CNTN5: variants seen among roughly 807,000 people sequenced by gnomAD.
CNTN5 encodes contactin 5, also known as contactin-5.
CNTN5 carries 77 observed loss-of-function variants against 129.1 expected under a neutral mutation model. The observed-to-expected ratio is 0.60, with a 90% CI of 0.50 to 0.72. The LOEUF (loss-of-function observed/expected upper bound fraction) is 0.72. CNTN5 is among the 30% of genes least tolerant of loss of function. The pLI, the probability that CNTN5 is intolerant of heterozygous loss-of-function variation, is 0.00. For synonymous variants in CNTN5, 509 were observed against 465.6 expected (o/e 1.09, Z -1.20); for missense variants, 1,478 against 1,328.8 (o/e 1.11, Z -1.75).
At chr11:100,306,073 G>GA (rs1028573132) in intron 20 of CNTN5, among the ~76,000 whole-genome samples, 1 of 151,028 alleles carries the variant, frequency 6.6e-6, no homozygotes, top group Non-Finnish European at 1.5e-5. Flanking sequence ...TTAAGAGGGT[G>GA]AAAAAAAATT....
chr11:99,769,134 C>G (rs1449792416), intron 3 of CNTN5, among the ~76,000 whole-genome samples: 1 of 151,852 alleles, frequency 6.6e-6, no homozygotes, highest in Non-Finnish European at 1.5e-5. Flanking sequence ...CTTTTTGATA[C>G]TTAAATTATA....
intron 21 of CNTN5, among the ~76,000 whole-genome samples, chr11:100,326,453 A>G (rs1239596244): frequency 6.6e-6 from 1 of 152,172 alleles, no homozygotes; most frequent in East Asian, 1.9e-4. Flanking sequence ...ATCCATCACC[A>G]AAGACTATTG....
At chr11:99,996,035 T>C (rs1237067500) in intron 8 of CNTN5, among the ~76,000 whole-genome samples, 3 of 152,200 alleles carry the variant, frequency 2.0e-5, no homozygotes, top group Non-Finnish European at 4.4e-5. Context: ...TACCTCCAAA[T>C]TGAAGCTCAT....
At chr11:99,887,506 A>T (rs1488632227) in intron 6 of CNTN5, among the ~76,000 whole-genome samples, 1 of 152,232 alleles carries the variant, frequency 6.6e-6, no homozygotes, top group Non-Finnish European at 1.5e-5. Flanking sequence ...GGATAGATGT[A>T]TATATGAAGG....
chr11:99,430,125 G>A (rs1257247734), intron 2 of CNTN5, among the ~76,000 whole-genome samples: 1 of 151,994 alleles, frequency 6.6e-6, no homozygotes, highest in East Asian at 1.9e-4. Context: ...CTTTTAAGGG[G>A]TGTGAGTTAT....
intron 16 of CNTN5, chr11:100,225,180 C>T: frequency 6.5e-6 from 1 of 154,404 alleles, no homozygotes; most frequent in Admixed American, 6.5e-5. Flanking sequence ...GTGGAACCCC[C>T]AGGCATTTTT....
At chr11:99,809,997 A>G (rs1275862187) in intron 3 of CNTN5, among the ~76,000 whole-genome samples, 2 of 152,096 alleles carry the variant, frequency 1.3e-5, no homozygotes, top group Admixed American at 6.6e-5. Flanking sequence ...AGTGATTCAT[A>G]TTCATATTGT....
intron 13 of CNTN5, among the ~76,000 whole-genome samples, chr11:100,149,718 C>A (rs1946986061): frequency 6.6e-6 from 1 of 151,678 alleles, no homozygotes. Context: ...CACAGTGAAA[C>A]CCCATCTCTA....
intron 2 of CNTN5, among the ~76,000 whole-genome samples, chr11:99,411,373 A>G (rs11219802): frequency 0.088 from 13,329 of 152,148 alleles, 668 homozygotes; most frequent in South Asian, 0.16. Context: ...TATGAAAATT[A>G]TATGGGTGTG....
intron 4 of CNTN5, among the ~76,000 whole-genome samples, chr11:99,842,217 A>G (rs2135681050): frequency 6.6e-6 from 1 of 152,080 alleles, no homozygotes. Context: ...GATTTAGCTA[A>G]TTGTTTTCTG....
chr11:99,407,416 C>G (rs1387589792), intron 2 of CNTN5, among the ~76,000 whole-genome samples: 1 of 140,266 alleles, frequency 7.1e-6, no homozygotes, highest in Non-Finnish European at 1.5e-5. Context: ...TGTGGCTGAG[C>G]TGGTATCCAA....
chr11:100,057,711 A>C (rs74944185), intron 9 of CNTN5, among the ~76,000 whole-genome samples: 6 of 151,990 alleles, frequency 3.9e-5, no homozygotes, highest in African/African-American at 1.4e-4. Context: ...TTTGTGCCCA[A>C]ATCATATTAG....
chr11:99,957,650 AGTT>A (rs1950838019), intron 8 of CNTN5, among the ~76,000 whole-genome samples: 1 of 148,628 alleles, frequency 6.7e-6, no homozygotes, highest in African/African-American at 2.4e-5. Context: ...TATGATGTGT[AGTT>A]TGCTCTGTCA....
chr11:99,867,097 C>A (rs1209883879), intron 6 of CNTN5, among the ~76,000 whole-genome samples: 2 of 152,200 alleles, frequency 1.3e-5, no homozygotes, highest in African/African-American at 2.4e-5. Context: ...CAGTCTTGAT[C>A]TGAGTGACTT....
In CNTN5 at chr11:100,355,408, A is replaced by C. The variant is rs1442063328; in HGVS notation, c.3200-709A>C. 1.4e-4 allele frequency among the ~76,000 whole-genome samples: 21 copies of C among 151,740 alleles called. 1 individual carries two copies. In the Admixed American group the frequency reaches 1.4e-3, roughly 10 times the overall value. ...CGCCTTCTGGAAGCCCTTCTGAAGG[A>C]CATGCCTGAAGTTGTTTTACAGTTA... On this transcript the variant is annotated intron_variant, in intron 24 of 24. Coordinates refer to ENST00000524871, the MANE Select transcript of CNTN5 (RefSeq NM_014361.4).
At chr11:99,373,639 G>A (rs952874646) in intron 2 of CNTN5, among the ~76,000 whole-genome samples, 1 of 150,876 alleles carries the variant, frequency 6.6e-6, no homozygotes, top group Non-Finnish European at 1.5e-5. Flanking sequence ...CTTGAACCTG[G>A]GAGGTGGAGG....
chr11:99,185,727 G>A (rs183388809), intron 1 of CNTN5, among the ~76,000 whole-genome samples: 20 of 151,686 alleles, frequency 1.3e-4, no homozygotes, highest in East Asian at 3.9e-4. Context: ...AGCTGAAAGT[G>A]TATATTTTTC....
At chr11:100,245,357 GA>G (rs1357904586) in intron 16 of CNTN5, among the ~76,000 whole-genome samples, 2 of 152,082 alleles carry the variant, frequency 1.3e-5, no homozygotes, top group African/African-American at 4.8e-5. Context: ...CCATTTTAGA[GA>G]ATGTGCTTAC....
chr11:99,205,559 G>A (rs1486808107), intron 1 of CNTN5, among the ~76,000 whole-genome samples: 1 of 152,164 alleles, frequency 6.6e-6, no homozygotes, highest in African/African-American at 2.4e-5. Context: ...CAACCATGCA[G>A]GATGAATAAA....
Sources: gnomAD v4.1 joint callset for allele counts (sites outside exome capture counted in the v4.1 genomes callset) on GRCh38, gnomAD v4.1.1 for gene constraint, MANE v1.5 for transcripts, NCBI Gene and HGNC (gene_info 2026-07-23, HGNC 2026-07-21) for gene names.